The following ATF7IP2 variants were observed in gnomAD, a reference collection of about 807,000 sequenced individuals.
The protein encoded by ATF7IP2 is activating transcription factor 7-interacting protein 2.
ATF7IP2 carries 42 observed loss-of-function variants against 64.2 expected under a neutral mutation model. The observed-to-expected ratio is 0.65, with a 90% CI of 0.51 to 0.85. The LOEUF (loss-of-function observed/expected upper bound fraction) is 0.85, where lower values mean the gene tolerates loss of function less well. Ranked by LOEUF, ATF7IP2 falls within the 40% of genes least tolerant of loss-of-function variation. The pLI is 0.00. For synonymous variants in ATF7IP2, 308 were observed against 272.8 expected, an observed-to-expected ratio of 1.13 and a Z score of -1.27; for missense variants, 933 against 784.2, an observed-to-expected ratio of 1.19 and a Z score of -2.27.
intron 1 of ATF7IP2, among the ~76,000 whole-genome samples, chr16:10,394,896 G>T (rs141236941): frequency 1.3e-5 from 2 of 151,928 alleles, no homozygotes; most frequent in Non-Finnish European, 2.9e-5. Flanking sequence ...TATTAAAAAA[G>T]ACCTCAAATC....
At chr16:10,423,617 T>G (rs1373139478) in intron 3 of ATF7IP2, among the ~76,000 whole-genome samples, 5 of 152,108 alleles carry the variant, frequency 3.3e-5, no homozygotes, top group Admixed American at 3.3e-4. Flanking sequence ...ATCTGGAGGG[T>G]CAGGCCACTC....
intron 1 of ATF7IP2, among the ~76,000 whole-genome samples, chr16:10,392,061 T>C (rs2047337247): frequency 6.7e-6 from 1 of 149,952 alleles, no homozygotes; most frequent in African/African-American, 2.5e-5. Context: ...ATTATCTTTT[T>C]TTTTTTTTTT....
chr16:10,412,134 CTCATT>C (rs2047781612), intron 1 of ATF7IP2, among the ~76,000 whole-genome samples: 1 of 143,442 alleles, frequency 7.0e-6, no homozygotes, highest in African/African-American at 2.6e-5. Context: ...ATTAACTCAT[CTCATT>C]TATCTTTTGT....
chr16:10,388,257 C>G (rs112372371), intron 1 of ATF7IP2, among the ~76,000 whole-genome samples: 375 of 152,250 alleles, frequency 2.5e-3, no homozygotes, highest in African/African-American at 8.7e-3. Context: ...AGTTTTTCAT[C>G]TTCATTTTTA....
At chr16:10,473,084 CA>C (rs887715442) in intron 10 of ATF7IP2, among the ~76,000 whole-genome samples, 8 of 152,096 alleles carry the variant, frequency 5.3e-5, no homozygotes, top group African/African-American at 1.9e-4. Context: ...CAGAGAATTA[CA>C]AAGGATGTTA....
At chr16:10,396,460 C>G (rs2141754183) in intron 1 of ATF7IP2, among the ~76,000 whole-genome samples, 1 of 152,248 alleles carries the variant, frequency 6.6e-6, no homozygotes, top group Non-Finnish European at 1.5e-5. Flanking sequence ...ATCGTGCAGA[C>G]CAACGTCATG....
intron 3 of ATF7IP2, among the ~76,000 whole-genome samples, chr16:10,420,785 G>A (rs1358104102): frequency 2.0e-5 from 3 of 152,100 alleles, no homozygotes; most frequent in Non-Finnish European, 4.4e-5. Context: ...ACATTAATAG[G>A]CATATCGAAG....
intron 12 of ATF7IP2, 69 bp from the exon 13 acceptor site, chr16:10,480,810 A>G (rs537328288): frequency 1.3e-5 from 13 of 1,038,876 alleles, no homozygotes; most frequent in South Asian, 3.9e-5. Flanking sequence ...GATGTAAACT[A>G]TAGCTTAAAG....
chr16:10,467,983 GT>G (rs2049644014), intron 9 of ATF7IP2, among the ~76,000 whole-genome samples: 1 of 150,544 alleles, frequency 6.6e-6, no homozygotes, highest in Admixed American at 6.6e-5. Context: ...GAGTTTAAGC[GT>G]TTCTCCTGCC....
chr16:10,473,476 C>T lies in ATF7IP2; in HGVS notation c.1427-3C>T. On this transcript the variant is annotated splice_region_variant and splice_polypyrimidine_tract_variant and intron_variant, in intron 10 of 13. Coordinates refer to ENST00000562102, the MANE Select transcript of ATF7IP2 (RefSeq NM_001393719.1). ...AATTTGTCAAATGTCTAATTTCTTT[C>T]AGATACCAGAAAAATTACATCAGGA... The T allele has an allele frequency of 6.5e-7, 1 of 1,548,018 alleles. No homozygotes were observed. The highest frequency in any genetic ancestry group is 8.9e-7 in the Non-Finnish European group (1 of 1,125,490).
rs138534379 is a variant in ATF7IP2, at chr16:10,473,467, A to G, written c.1427-12A>G. On this transcript the variant is annotated splice_polypyrimidine_tract_variant and intron_variant, in intron 10 of 13. Coordinates refer to ENST00000562102, the MANE Select transcript of ATF7IP2 (RefSeq NM_001393719.1). ...TGTGTAATAAATTTGTCAAATGTCT[A>G]ATTTCTTTCAGATACCAGAAAAATT... The G allele has an allele frequency of 6.1e-4, 935 of 1,524,386 alleles. 6 individuals are homozygous for G. In the African/African-American group the frequency reaches 0.012, roughly 19 times the overall value. The allele number at this position is 1,524,386 out of a possible 1,614,324, so 94.4% of individuals were successfully genotyped here. A position where few individuals can be genotyped will look rare whatever the true frequency, so the allele number is the denominator to read the frequency against.
At chr16:10,448,043 G>C (rs1328409092) in intron 8 of ATF7IP2, 1 of 152,196 alleles carries the variant, frequency 6.6e-6, no homozygotes, top group African/African-American at 2.4e-5. Context: ...TTTCCCCATT[G>C]CTTGTTTTGG....
intron 8 of ATF7IP2, chr16:10,449,560 A>G (rs773093288): frequency 2.0e-5 from 3 of 152,104 alleles, no homozygotes; most frequent in Non-Finnish European, 2.9e-5. Flanking sequence ...AGGAATTTAT[A>G]CATTTCTTCT....
Position 10,470,823 on chromosome 16 carries a change from G to A in ATF7IP2, c.1353-1287G>A, listed in dbSNP as rs145538570. 2.4e-3 allele frequency among the ~76,000 whole-genome samples: 341 copies of A among 143,876 alleles called. 1 individual carries two copies. Among genetic ancestry groups the A allele is most frequent in the African/African-American group, 8.5e-3 (315 of 37,222 alleles). The allele number at this position is 143,876 out of a possible 152,430, so 94.4% of individuals were successfully genotyped here. A position where few individuals can be genotyped will look rare whatever the true frequency, so the allele number is the denominator to read the frequency against. ...TATGTATATATATATATGTGTGTGT[G>A]TATATATATATATATGTGTGTGTAT... On this transcript the variant is annotated intron_variant, in intron 9 of 13. Coordinates refer to ENST00000562102, the MANE Select transcript of ATF7IP2 (RefSeq NM_001393719.1).
At chr16:10,428,425 G>A (rs1011331369) in intron 3 of ATF7IP2, among the ~76,000 whole-genome samples, 2 of 152,192 alleles carry the variant, frequency 1.3e-5, no homozygotes, top group Non-Finnish European at 2.9e-5. Flanking sequence ...GTTTTCATCA[G>A]ATTTACAATA....
intron 12 of ATF7IP2, among the ~76,000 whole-genome samples, chr16:10,475,722 G>GAA (rs386384218): frequency 0.041 from 1,711 of 41,598 alleles, 54 homozygotes; most frequent in East Asian, 0.073. Context: ...TAAGAAGCCA[G>GAA]AAAAAAAAAA....
chr16:10,429,745 TTTATTTTATTTTA>T (rs1242340064), intron 4 of ATF7IP2, among the ~76,000 whole-genome samples: 2 of 143,328 alleles, frequency 1.4e-5, no homozygotes, highest in Non-Finnish European at 3.0e-5. Context: ...TTTTATTTTA[TTTATTTTATTTTA>T]TTATTTTATT....
At chr16:10,474,703 T>TAAAC (rs2049939954) in intron 12 of ATF7IP2, among the ~76,000 whole-genome samples, 1 of 152,150 alleles carries the variant, frequency 6.6e-6, no homozygotes, top group African/African-American at 2.4e-5. Context: ...AACTCCAGGA[T>TAAAC]AAACACAAAA....
chr16:10,462,888 C>T (rs1567167242), intron 9 of ATF7IP2, among the ~76,000 whole-genome samples: 1 of 152,152 alleles, frequency 6.6e-6, no homozygotes, highest in African/African-American at 2.4e-5. Context: ...TGGATATTTT[C>T]AACTAACCTG....
Sources: allele counts gnomAD v4.1 joint callset (sites outside exome capture counted in the v4.1 genomes callset), GRCh38; gene constraint gnomAD v4.1.1; transcripts MANE v1.5; gene names NCBI Gene and HGNC (gene_info 2026-07-23, HGNC 2026-07-21).